RASSF5: variants seen among roughly 807,000 people sequenced by gnomAD.
The protein encoded by RASSF5 is Ras association domain family member 5.
A neutral mutation model predicts 40.5 loss-of-function variants in RASSF5; 25 were observed. The ratio of observed to expected loss-of-function variants is 0.62; its 90% CI spans 0.45 to 0.86. RASSF5 has a LOEUF of 0.86. Ranked by LOEUF, RASSF5 falls within the 40% of genes least tolerant of loss-of-function variation. The pLI is 0.00. For synonymous variants in RASSF5, 246 were observed against 252.4 expected (o/e 0.97, Z 0.24); for missense variants, 521 against 572.8 (o/e 0.91, Z 0.92).
At chr1:206,510,702 A>G (rs1424156604) in intron 1 of RASSF5, among the ~76,000 whole-genome samples, 6 of 152,142 alleles carry the variant, frequency 3.9e-5, no homozygotes, top group Non-Finnish European at 2.9e-5. Flanking sequence ...CTCCTACCTG[A>G]TGTCCTGCTG....
At chr1:206,565,451 G>A (rs1197763170) in intron 2 of RASSF5, among the ~76,000 whole-genome samples, 9 of 152,216 alleles carry the variant, frequency 5.9e-5, no homozygotes, top group African/African-American at 2.2e-4. Context: ...TCCAAACTCT[G>A]CAGCACCTGG....
At chr1:206,521,236 C>T (rs1480841070) in intron 1 of RASSF5, among the ~76,000 whole-genome samples, 3 of 152,108 alleles carry the variant, frequency 2.0e-5, no homozygotes, top group Non-Finnish European at 2.9e-5. Context: ...CTGGCTGCAG[C>T]GATGCAGCTG....
In RASSF5 at chr1:206,579,241, G is replaced by T. The variant is rs188861027; in HGVS notation, c.580-4028G>T. Among the ~76,000 whole-genome samples, 17 of 152,328 alleles carry T rather than the reference G, an allele frequency of 1.1e-4. No individual in the cohort carries two copies. Among genetic ancestry groups the T allele is most frequent in the African/African-American group, 4.1e-4 (17 of 41,560 alleles). On this transcript the variant is annotated intron_variant, in intron 2 of 5. Coordinates refer to ENST00000579436, the MANE Select transcript of RASSF5 (RefSeq NM_182663.4). This position sits in a 1 kb window ranked among gnomAD's most constrained non-coding sequence, Gnocchi z 4.2. ...TGCCAGGGGCTTAATCGGAATAGAT[G>T]AATTCCATGCCAGATGCACTGAGAT...
chr1:206,528,074 T>C (rs2103514854), intron 1 of RASSF5, among the ~76,000 whole-genome samples: 1 of 152,208 alleles, frequency 6.6e-6, no homozygotes, highest in African/African-American at 2.4e-5. Context: ...TTGCCAAAAT[T>C]TGGAAGCAAC....
At chr1:206,510,342 C>T (rs1666584333) in intron 1 of RASSF5, among the ~76,000 whole-genome samples, 3 of 152,056 alleles carry the variant, frequency 2.0e-5, no homozygotes, top group Admixed American at 1.3e-4. Flanking sequence ...TTAGTCCCCA[C>T]GTGAGTCCTG....
chr1:206,523,723 T>TTA (rs201959796), intron 1 of RASSF5, among the ~76,000 whole-genome samples: 53,210 of 91,334 alleles, frequency 0.58, 15,914 homozygotes, highest in East Asian at 0.81. Flanking sequence ...TACAATATAT[T>TTA]TATATATTAT....
chr1:206,534,213 G>A (rs970095306), intron 1 of RASSF5, among the ~76,000 whole-genome samples: 2 of 152,126 alleles, frequency 1.3e-5, no homozygotes, highest in African/African-American at 4.8e-5. Flanking sequence ...GGCTCCTATT[G>A]TGGTTTGTCT....
intron 2 of RASSF5, among the ~76,000 whole-genome samples, chr1:206,566,934 T>C (rs1668305472): frequency 6.6e-6 from 1 of 152,194 alleles, no homozygotes; most frequent in South Asian, 2.1e-4. Context: ...GGTTTGGAGC[T>C]TCTTTCCCAG....
intron 2 of RASSF5, among the ~76,000 whole-genome samples, chr1:206,568,537 G>A (rs1382755707): frequency 6.6e-6 from 1 of 152,092 alleles, no homozygotes; most frequent in Non-Finnish European, 1.5e-5. Context: ...ACTCACCTCC[G>A]GAGACCACTC....
At chr1:206,569,191 C>T (rs1206317385) in intron 2 of RASSF5, among the ~76,000 whole-genome samples, 5 of 152,214 alleles carry the variant, frequency 3.3e-5, no homozygotes, top group South Asian at 2.1e-4. Flanking sequence ...AACGTGTATT[C>T]GCGGGAGCCT....
intron 2 of RASSF5, among the ~76,000 whole-genome samples, chr1:206,547,735 T>C (rs974540630): frequency 6.6e-6 from 1 of 152,136 alleles, no homozygotes; most frequent in East Asian, 1.9e-4. Context: ...GCCAAAAAGG[T>C]TGGGGACCAC....
chr1:206,557,644 C>T lies in RASSF5; in HGVS notation c.579+19351C>T, dbSNP rs1668027826. The stretch of plus-strand genomic sequence containing the variant: ...GAGGAACTGGAAGACTGCTTCTTCA[C>T]TGCTAAGACTACCTTTTTCAGAAAT... On this transcript the variant is annotated intron_variant, in intron 2 of 5. Transcript: ENST00000579436. 4.3e-6 allele frequency: 7 copies of T among 1,614,272 alleles called. No homozygotes were observed. The East Asian group carries it at 1.3e-4, about 31-fold the overall frequency.
chr1:206,546,380 G>A (rs1451749981), intron 2 of RASSF5, among the ~76,000 whole-genome samples: 4 of 151,748 alleles, frequency 2.6e-5, no homozygotes, highest in African/African-American at 9.7e-5. Flanking sequence ...CAAAGTGCTG[G>A]GATTATGGGT....
intron 2 of RASSF5, among the ~76,000 whole-genome samples, chr1:206,572,419 C>T (rs1668481714): frequency 6.6e-6 from 1 of 152,172 alleles, no homozygotes. Context: ...CACAGCTTTA[C>T]AGAAGAGCAC....
At chr1:206,525,790 C>T (rs1553397108) in intron 1 of RASSF5, among the ~76,000 whole-genome samples, 1 of 152,170 alleles carries the variant, frequency 6.6e-6, no homozygotes. Context: ...GTCTGAGCAA[C>T]AACTGAGCAG....
intron 2 of RASSF5, among the ~76,000 whole-genome samples, chr1:206,546,089 ATTTTTTTTTTTTTTTTTTTTTT>A (rs10603701): frequency 0.056 from 2,688 of 48,288 alleles, 183 homozygotes; most frequent in African/African-American, 0.21. Context: ...TTCTTTTTCT[ATTTTTTTTTTTTTTTTTTTTTT>A]TTTTTTTTTT....
At chr1:206,563,648 G>C (rs1428112992) in intron 2 of RASSF5, among the ~76,000 whole-genome samples, 1 of 152,150 alleles carries the variant, frequency 6.6e-6, no homozygotes, top group Non-Finnish European at 1.5e-5. Context: ...CCTGGATTCT[G>C]CTTTTCTAAT....
At chr1:206,522,185 A>G (rs1421778122) in intron 1 of RASSF5, among the ~76,000 whole-genome samples, 1 of 151,992 alleles carries the variant, frequency 6.6e-6, no homozygotes, top group Non-Finnish European at 1.5e-5. Flanking sequence ...GACTGCCTGT[A>G]CTTTGTAACA....
At chr1:206,563,499 T>C (rs1247345124) in intron 2 of RASSF5, among the ~76,000 whole-genome samples, 1 of 152,186 alleles carries the variant, frequency 6.6e-6, no homozygotes, top group African/African-American at 2.4e-5. Flanking sequence ...AGCACTTCTC[T>C]GGTTTCTCTG....
Sources: allele counts gnomAD v4.1 joint callset (sites outside exome capture counted in the v4.1 genomes callset), GRCh38; gene constraint gnomAD v4.1.1; non-coding constraint Gnocchi (gnomAD v3.1); transcripts MANE v1.5; gene names NCBI Gene and HGNC (gene_info 2026-07-23, HGNC 2026-07-21).